PTGFRN: variants seen among roughly 807,000 people sequenced by gnomAD.
PTGFRN encodes the protein prostaglandin F2 receptor negative regulator.
Under a neutral mutation model 83.2 loss-of-function variants are expected in PTGFRN, and 35 were observed. The ratio of observed to expected loss-of-function variants is 0.42; its 90% CI spans 0.32 to 0.56. The LOEUF (loss-of-function observed/expected upper bound fraction) is 0.56, where lower values mean the gene tolerates loss of function less well. Ranked by LOEUF, PTGFRN falls within the 20% of genes least tolerant of loss-of-function variation. The pLI, the probability that PTGFRN is intolerant of heterozygous loss-of-function variation, is 0.11. For missense variants in PTGFRN, 1,051 were observed against 1,179.5 expected (o/e 0.89, Z 1.60); for synonymous variants, 519 against 498.6 (o/e 1.04, Z -0.55).
chr1:116,920,251 T>A (rs941176057), intron 1 of PTGFRN, among the ~76,000 whole-genome samples: 1 of 152,248 alleles, frequency 6.6e-6, no homozygotes, highest in Admixed American at 6.5e-5. Flanking sequence ...GGTACAGAAG[T>A]GTCCCCACCA....
intron 1 of PTGFRN, among the ~76,000 whole-genome samples, chr1:116,933,790 A>C (rs896546202): frequency 1.3e-5 from 2 of 152,194 alleles, no homozygotes; most frequent in African/African-American, 4.8e-5. Flanking sequence ...TTCCGTTGAA[A>C]GTTAGCCATC....
At chr1:116,981,807 G>C (rs1651327533) in intron 7 of PTGFRN, among the ~76,000 whole-genome samples, 2 of 152,232 alleles carry the variant, frequency 1.3e-5, no homozygotes, top group African/African-American at 2.4e-5. Flanking sequence ...TACAAAAGCA[G>C]GTGGTGGGCT....
chr1:116,954,094 G>T lies in PTGFRN; in HGVS notation c.1213+4522G>T, dbSNP rs142333172. Among the ~76,000 whole-genome samples the T allele has an allele frequency of 1.2e-4, 18 of 152,152 alleles. No homozygotes were observed. In the East Asian group the frequency reaches 3.5e-3, roughly 30 times the overall value. On this transcript the variant is annotated intron_variant, in intron 4 of 8. Coordinates refer to ENST00000393203, the MANE Select transcript of PTGFRN (RefSeq NM_020440.4). ...GCTGGTCTCAAACTCCTGACTTCAG[G>T]TGATCCGCCCGTCTCGGCCTCCCAA... is the stretch of plus-strand genomic sequence containing the variant.
At chr1:116,910,468 G>A (rs1649238127) in intron 1 of PTGFRN, among the ~76,000 whole-genome samples, 1 of 151,298 alleles carries the variant, frequency 6.6e-6, no homozygotes, top group Non-Finnish European at 1.5e-5. Flanking sequence ...CGCGCGCGGG[G>A]TGCAAGTGGC....
In PTGFRN at chr1:116,961,330, C is replaced by G; in HGVS notation, c.1301C>G (p.Thr434Arg). The G allele has an allele frequency of 1.3e-6, 2 of 1,571,552 alleles. No homozygotes were observed. The highest frequency in any genetic ancestry group is 1.7e-6 in the Non-Finnish European group (2 of 1,156,282). The change falls in exon 5 of 9, where the codon ACG (threonine) becomes AGG (arginine). Residue 434 changes from threonine (T) to arginine (R), a missense_variant. Physicochemically the swap from Thr to Arg is moderately conservative, Grantham distance 71. Coordinates refer to ENST00000393203, the MANE Select transcript of PTGFRN (RefSeq NM_020440.4). The surrounding 1 kb of genome is among the most constrained non-coding windows in gnomAD (Gnocchi z 5.4). ...GAGCTGGCATGCCGGGTGGTGGACA[C>G]GAAGAGTGGGGAGGCGAATGTCCGA... Reference protein sequence around the residue: ...PTELACRVVDTKSGEANVRFT... With the variant: ...PTELACRVVDRKSGEANVRFT...
intron 1 of PTGFRN, among the ~76,000 whole-genome samples, chr1:116,933,422 T>C (rs1266393996): frequency 6.6e-6 from 1 of 152,168 alleles, no homozygotes; most frequent in Admixed American, 6.5e-5. Context: ...TTTCTGCTAT[T>C]GATGTCATAT....
intron 2 of PTGFRN, 51 bp from the exon 3 acceptor site, chr1:116,944,614 GGGCTGGCCCTTGCC>G: frequency 1.5e-5 from 20 of 1,331,524 alleles, no homozygotes; most frequent in Non-Finnish European, 1.9e-5. Context: ...TTGCAGCGGT[GGGCTGGCCCTTGCC>G]GGCTGGGGTC....
rs1227545697 is a variant in PTGFRN, at chr1:116,923,582, T to C, written c.49+13330T>C. Reference sequence around the variant, plus strand: ...CCCTTTGCAGGATTGATACAACCGTTTCCACCCCAGAATGGCATAGGCTCC... The same window carrying C: ...CCCTTTGCAGGATTGATACAACCGTCTCCACCCCAGAATGGCATAGGCTCC... On this transcript the variant is annotated intron_variant, in intron 1 of 8. Coordinates refer to ENST00000393203, the MANE Select transcript of PTGFRN (RefSeq NM_020440.4). The surrounding 1 kb of genome is among the most constrained non-coding windows in gnomAD (Gnocchi z 4.0). Among the ~76,000 whole-genome samples, 2 of 152,186 alleles carry C rather than the reference T, an allele frequency of 1.3e-5. No individual in the cohort carries two copies. The highest frequency in any genetic ancestry group is 2.9e-5 in the Non-Finnish European group (2 of 68,028).
At chr1:116,964,889 G>A (rs1297901735) in intron 5 of PTGFRN, among the ~76,000 whole-genome samples, 1 of 152,214 alleles carries the variant, frequency 6.6e-6, no homozygotes, top group African/African-American at 2.4e-5. Flanking sequence ...ACCCTTGCCT[G>A]GATTACATCC....
chr1:116,965,972 AT>A (rs1246662616), intron 5 of PTGFRN, among the ~76,000 whole-genome samples: 1 of 152,260 alleles, frequency 6.6e-6, no homozygotes, highest in African/African-American at 2.4e-5. Context: ...AGAGTTCTTA[AT>A]ATACATGTTC....
intron 1 of PTGFRN, among the ~76,000 whole-genome samples, chr1:116,939,157 G>C (rs1041682932): frequency 2.0e-4 from 31 of 152,230 alleles, no homozygotes; most frequent in African/African-American, 7.2e-4. Flanking sequence ...ACCGTTCTGG[G>C]GTCTGGAGGA....
Position 116,944,977 on chromosome 1 carries a change from T to G in PTGFRN, c.717T>G (p.Ser239=), listed in dbSNP as rs1001389883. The G allele has an allele frequency of 1.9e-6, 3 of 1,613,724 alleles. No individual in the cohort carries two copies. Among genetic ancestry groups the G allele is most frequent in the Non-Finnish European group, 2.5e-6 (3 of 1,180,030 alleles). The change falls in exon 3 of 9, where the codon TCT becomes TCG. Residue 239 remains serine (S), a synonymous_variant. Coordinates refer to ENST00000393203, the MANE Select transcript of PTGFRN (RefSeq NM_020440.4). ...AYRLSVSRAL[S]ADQGSYRCIV... ...GCCTCTCAGTGTCCCGGGCTCTGTC[T>G]GCCGACCAGGGCTCCTACAGGTGTA...
intron 1 of PTGFRN, among the ~76,000 whole-genome samples, chr1:116,937,441 C>T (rs548709710): frequency 6.6e-6 from 1 of 152,250 alleles, no homozygotes; most frequent in East Asian, 1.9e-4. Context: ...GCAGATGAGA[C>T]GGGTGCTGGC....
At chr1:116,930,045 A>G (rs1236200671) in intron 1 of PTGFRN, among the ~76,000 whole-genome samples, 1 of 152,026 alleles carries the variant, frequency 6.6e-6, no homozygotes, top group Non-Finnish European at 1.5e-5. Context: ...CATGTTTGAC[A>G]TTGTTGTTCA....
chr1:116,974,485 C>T (rs1651088899), intron 7 of PTGFRN, 162 bp downstream of exon 7: 2 of 509,330 alleles, frequency 3.9e-6, no homozygotes, highest in African/African-American at 3.9e-5. Flanking sequence ...TTAATAAATA[C>T]ATGTTGAGTG....
rs1361957602 is a variant in PTGFRN, at chr1:116,918,469, T to G, written c.49+8217T>G. Among the ~76,000 whole-genome samples the G allele has an allele frequency of 6.6e-6, 1 of 152,210 alleles. No individual in the cohort carries two copies. The highest frequency in any genetic ancestry group is 1.5e-5 in the Non-Finnish European group (1 of 68,040). ...GTGGACCACCAGCATTGGCAGCACC[T>G]GGGGGAATCTCAGGTCCAAACTTGT... On this transcript the variant is annotated intron_variant, in intron 1 of 8. Transcript: ENST00000393203. The surrounding 1 kb of genome is among the most constrained non-coding windows in gnomAD (Gnocchi z 4.1).
chr1:116,977,104 C>G (rs949793551), intron 7 of PTGFRN, among the ~76,000 whole-genome samples: 1 of 150,986 alleles, frequency 6.6e-6, no homozygotes, highest in Non-Finnish European at 1.5e-5. Context: ...TTTAAACCAA[C>G]AAAGATCAAA....
intron 5 of PTGFRN, among the ~76,000 whole-genome samples, chr1:116,963,570 G>C (rs964521962): frequency 9.2e-5 from 14 of 152,024 alleles, no homozygotes; most frequent in African/African-American, 3.4e-4. Context: ...TTTTAAGAGG[G>C]GGTGGGGAGT....
At position 116,910,039 on chromosome 1, in the gene PTGFRN, C is replaced by T; in HGVS notation, c.-165C>T. The T allele has an allele frequency of 1.3e-6, 1 of 776,046 alleles. No homozygotes were observed. The highest frequency in any genetic ancestry group is 2.1e-6 in the Non-Finnish European group (1 of 469,278). The allele number at this position is 776,046 out of a possible 1,614,324, so 48.1% of individuals were successfully genotyped here. ...GGGAGCGAGCGGAGCCAGGGGCGCA[C>T]GTACGCCCCAGCGCTGGGATTTATC... On this transcript the variant is annotated 5_prime_UTR_variant, in exon 1 of 9. The change creates a new upstream start codon in the 5' untranslated region. Transcript: ENST00000393203.
Sources: gnomAD v4.1 joint callset for allele counts (sites outside exome capture counted in the v4.1 genomes callset) on GRCh38, gnomAD v4.1.1 for gene constraint, Gnocchi (gnomAD v3.1) non-coding constraint, MANE v1.5 for transcripts, NCBI Gene and HGNC (gene_info 2026-07-23, HGNC 2026-07-21) for gene names.